COX10: variants seen among roughly 807,000 people sequenced by gnomAD.
COX10 encodes the protein cytochrome c oxidase assembly factor heme A:farnesyltransferase COX10, also known as protoheme IX farnesyltransferase, mitochondrial.
Under a neutral mutation model 37.3 loss-of-function variants are expected in COX10, and 27 were observed. The ratio of observed to expected loss-of-function variants is 0.72; its 90% CI spans 0.53 to 1.00. The LOEUF (loss-of-function observed/expected upper bound fraction) is 1.00. Ranked by LOEUF, COX10 falls within the 50% of genes least tolerant of loss-of-function variation. The pLI is 0.00. For missense variants in COX10, 475 were observed against 563.2 expected (o/e 0.84, Z 1.59); for synonymous variants, 222 against 229.1 (o/e 0.97, Z 0.28).
chr17:14,117,839 G>GT (rs1916147479), intron 4 of COX10, among the ~76,000 whole-genome samples: 1 of 152,096 alleles, frequency 6.6e-6, no homozygotes, highest in South Asian at 2.1e-4. Context: ...TCTTGCCCTA[G>GT]TATACCAGAA....
chr17:14,178,645 C>T (rs1208155845), intron 5 of COX10, among the ~76,000 whole-genome samples: 3 of 151,624 alleles, frequency 2.0e-5, no homozygotes, highest in Non-Finnish European at 4.4e-5. Flanking sequence ...GCTCAGCTTC[C>T]AGCCTCACCA....
intron 3 of COX10, among the ~76,000 whole-genome samples, chr17:14,091,971 A>G (rs1025899733): frequency 6.6e-6 from 1 of 152,148 alleles, no homozygotes; most frequent in African/African-American, 2.4e-5. Flanking sequence ...AACAGTTTAT[A>G]GGCACCAGTT....
intron 3 of COX10, among the ~76,000 whole-genome samples, chr17:14,096,881 T>C (rs552245694): frequency 6.6e-6 from 1 of 152,168 alleles, no homozygotes; most frequent in Admixed American, 6.6e-5. Context: ...TACCTGGCTT[T>C]CCACCCAGGA....
chr17:14,082,156 G>A (rs542310667), intron 3 of COX10, among the ~76,000 whole-genome samples: 7 of 152,290 alleles, frequency 4.6e-5, no homozygotes, highest in African/African-American at 9.6e-5. Flanking sequence ...CCAGAACTTT[G>A]GGGTATATCA....
At chr17:14,106,268 C>T (rs1366969518) in intron 4 of COX10, among the ~76,000 whole-genome samples, 3 of 152,096 alleles carry the variant, frequency 2.0e-5, no homozygotes, top group African/African-American at 7.2e-5. Context: ...CCACCCGCCT[C>T]GGCCTCCCAA....
At chr17:14,128,566 C>G (rs1439135321) in intron 4 of COX10, among the ~76,000 whole-genome samples, 1 of 152,068 alleles carries the variant, frequency 6.6e-6, no homozygotes, top group Non-Finnish European at 1.5e-5. Flanking sequence ...CAGAATTCTC[C>G]TGATAGGGTG....
At chr17:14,077,635 C>T (rs888438667) in intron 3 of COX10, among the ~76,000 whole-genome samples, 1 of 152,160 alleles carries the variant, frequency 6.6e-6, no homozygotes, top group African/African-American at 2.4e-5. Context: ...TCACAGTCAC[C>T]CTGTAAGTCA....
chr17:14,102,138 G>A lies in COX10; in HGVS notation c.520G>A (p.Ala174Thr), dbSNP rs2142200228. Residue 174 changes from alanine (A) to threonine (T), a missense_variant, in exon 4 of 7, where the codon GCA becomes ACA. This residue lies in a region of COX10 where 242 missense variants were observed against 242.5 expected (regional missense o/e 1.00). Coordinates refer to ENST00000261643, the MANE Select transcript of COX10 (RefSeq NM_001303.4). ...CGCAGCTCTGGTTGTAAGTACCACT[G>A]CAGCTGGATTTGCATTGGCTCCGGG... is the stretch of plus-strand genomic sequence containing the variant. ...KLTALVVSTT[A>T]AGFALAPGPF... The A allele has an allele frequency of 1.2e-6, 2 of 1,613,690 alleles. No individual in the cohort carries two copies. The highest frequency in any genetic ancestry group is 8.5e-7 in the Non-Finnish European group (1 of 1,179,744).
chr17:14,084,285 G>A (rs112295307), intron 3 of COX10, among the ~76,000 whole-genome samples: 167 of 152,128 alleles, frequency 1.1e-3, no homozygotes, highest in Middle Eastern at 6.8e-3. Context: ...TTTACTAAAT[G>A]TTATAGTATT....
intron 5 of COX10, among the ~76,000 whole-genome samples, chr17:14,176,962 A>T (rs1905710037): frequency 6.7e-6 from 1 of 150,332 alleles, no homozygotes. Context: ...ATTTTCTATA[A>T]TTTTTTTTTT....
At chr17:14,113,488 CT>C (rs1427669906) in intron 4 of COX10, among the ~76,000 whole-genome samples, 3 of 152,084 alleles carry the variant, frequency 2.0e-5, no homozygotes, top group Non-Finnish European at 4.4e-5. Flanking sequence ...CGGAATTCTT[CT>C]CAAGTAAGTA....
intron 4 of COX10, among the ~76,000 whole-genome samples, chr17:14,145,516 G>A (rs12601910): frequency 0.41 from 62,455 of 151,860 alleles, 14,251 homozygotes; most frequent in East Asian, 0.61. Context: ...TTGAGAAACC[G>A]AAGGTAGCTC....
chr17:14,191,372 T>A (rs1906197599), intron 5 of COX10, among the ~76,000 whole-genome samples: 1 of 150,786 alleles, frequency 6.6e-6, no homozygotes, highest in African/African-American at 2.4e-5. Context: ...CGGTGTTTAC[T>A]GTTGTCAGGA....
At chr17:14,163,241 ATTTATT>A (rs143509822) in intron 5 of COX10, among the ~76,000 whole-genome samples, 1 of 70,522 alleles carries the variant, frequency 1.4e-5, no homozygotes, top group Non-Finnish European at 3.6e-5. Flanking sequence ...AGGAAAATTT[ATTTATT>A]TATTTATTTA....
At position 14,074,404 on chromosome 17, in the gene COX10, A is replaced by G. The variant is rs1012589953; in HGVS notation, c.125A>G (p.Asn42Ser). 3.7e-6 allele frequency: 6 copies of G among 1,613,824 alleles called. No homozygotes were observed. The highest frequency in any genetic ancestry group is 5.1e-6 in the Non-Finnish European group (6 of 1,179,826). Residue 42 changes from asparagine (N) to serine (S), a missense_variant, in exon 2 of 7, where the codon AAT (asparagine) becomes AGT (serine). Asn to Ser is a conservative substitution (Grantham distance 46). Coordinates refer to ENST00000261643, the MANE Select transcript of COX10 (RefSeq NM_001303.4). ...CACAAGTTCTTACATCTTCTCAGGA[A>G]TGTCAATAAGCAGTGGATTACATTT... ...SPHKFLHLLRNVNKQWITFQH... is the reference protein window; with the variant it reads ...SPHKFLHLLRSVNKQWITFQH...
Position 14,089,013 on chromosome 17 carries a change from G to A in COX10, c.499+11957G>A, listed in dbSNP as rs111416454. The stretch of plus-strand genomic sequence containing the variant: ...GTCTCATTGGCCAGGAGTGTGCCAC[G>A]TGGCTACCTCCAGCTGCAAGGGAGG... On this transcript the variant is annotated intron_variant, in intron 3 of 6. Coordinates refer to ENST00000261643, the MANE Select transcript of COX10 (RefSeq NM_001303.4). Among the ~76,000 whole-genome samples, 192 of 152,266 alleles carry A rather than the reference G, an allele frequency of 1.3e-3. 1 individual carries two copies. Among genetic ancestry groups the A allele is most frequent in the African/African-American group, 4.2e-3 (176 of 41,558 alleles).
chr17:14,071,290 T>C (rs2142178169), intron 1 of COX10, among the ~76,000 whole-genome samples: 1 of 152,322 alleles, frequency 6.6e-6, no homozygotes, highest in African/African-American at 2.4e-5. Flanking sequence ...TTCCAGTAGG[T>C]GGGCTGCATG....
chr17:14,073,748 A>G (rs1249189557), intron 1 of COX10, among the ~76,000 whole-genome samples: 3 of 152,124 alleles, frequency 2.0e-5, no homozygotes, highest in Non-Finnish European at 4.4e-5. Flanking sequence ...TAGGAGGAGG[A>G]CCAAGGCAGA....
chr17:14,120,108 G>A (rs865840906), intron 4 of COX10, among the ~76,000 whole-genome samples: 12 of 152,248 alleles, frequency 7.9e-5, no homozygotes, highest in Middle Eastern at 3.4e-3. Flanking sequence ...GACTCCTAGG[G>A]TGTAGCTTAC....
Sources: allele counts gnomAD v4.1 joint callset (sites outside exome capture counted in the v4.1 genomes callset), GRCh38; gene constraint gnomAD v4.1.1; regional missense constraint gnomAD v4.1.1; transcripts MANE v1.5; gene names NCBI Gene and HGNC (gene_info 2026-07-23, HGNC 2026-07-21).